PALM2AKAP2: variants seen among roughly 807,000 people sequenced by gnomAD.
PALM2AKAP2 encodes PALM2 and AKAP2 fusion, also known as PALM2-AKAP2 fusion protein.
A neutral mutation model predicts 71.5 loss-of-function variants in PALM2AKAP2; 37 were observed. That is an observed-to-expected ratio of 0.52 (90% CI 0.40 to 0.68). PALM2AKAP2 has a LOEUF of 0.68. PALM2AKAP2 is among the 30% of genes least tolerant of loss of function. The pLI is 0.00. For synonymous variants in PALM2AKAP2, 468 were observed against 478.8 expected (o/e 0.98, Z 0.29); for missense variants, 1,224 against 1,191.8 (o/e 1.03, Z -0.40).
At chr9:109,753,603 C>CT (rs1267661946) in intron 1 of PALM2AKAP2, among the ~76,000 whole-genome samples, 2 of 152,142 alleles carry the variant, frequency 1.3e-5, no homozygotes, top group African/African-American at 4.8e-5. Flanking sequence ...TTTCCAGCAC[C>CT]TTTGCAAGTG....
At chr9:110,078,171 A>G (rs951279558) in intron 1 of PALM2AKAP2, among the ~76,000 whole-genome samples, 4 of 152,356 alleles carry the variant, frequency 2.6e-5, no homozygotes, top group African/African-American at 7.2e-5. Flanking sequence ...AAAACTATTT[A>G]CTAGAACCAG....
chr9:110,037,713 G>A (rs879276331), intron 7 of PALM2AKAP2, among the ~76,000 whole-genome samples: 5 of 152,190 alleles, frequency 3.3e-5, no homozygotes, highest in Non-Finnish European at 5.9e-5. Context: ...GGGATGATTT[G>A]GTTAGGGCTA....
chr9:110,161,132 A>G (rs2119249448), intron 3 of PALM2AKAP2, among the ~76,000 whole-genome samples: 1 of 152,296 alleles, frequency 6.6e-6, no homozygotes, highest in South Asian at 2.1e-4. Flanking sequence ...CCTAGTGAAG[A>G]TGCAAAGGAG....
At chr9:109,815,098 G>A (rs917353120) in intron 1 of PALM2AKAP2, among the ~76,000 whole-genome samples, 5 of 152,178 alleles carry the variant, frequency 3.3e-5, no homozygotes, top group African/African-American at 1.2e-4. Flanking sequence ...GAGTGGCTGT[G>A]GAGATGGTGA....
chr9:109,964,829 T>C (rs1180788477), intron 6 of PALM2AKAP2, among the ~76,000 whole-genome samples: 3 of 152,178 alleles, frequency 2.0e-5, no homozygotes, highest in African/African-American at 7.2e-5. Flanking sequence ...GGTGTTACAG[T>C]TACAGATTTT....
At chr9:109,740,929 G>A (rs1828707011) in intron 1 of PALM2AKAP2, among the ~76,000 whole-genome samples, 1 of 152,110 alleles carries the variant, frequency 6.6e-6, no homozygotes, top group African/African-American at 2.4e-5. Flanking sequence ...TGGGATTACA[G>A]GTGTGAGCCA....
chr9:109,685,257 C>T (rs915428406), intron 1 of PALM2AKAP2, among the ~76,000 whole-genome samples: 42 of 151,878 alleles, frequency 2.8e-4, no homozygotes, highest in African/African-American at 9.4e-4. Flanking sequence ...ATACACATAC[C>T]GTGTATGTCA....
intron 3 of PALM2AKAP2, among the ~76,000 whole-genome samples, chr9:109,916,494 G>A (rs1026752454): frequency 3.9e-5 from 6 of 152,212 alleles, no homozygotes; most frequent in Admixed American, 6.5e-5. Flanking sequence ...GGAGGGCAGC[G>A]CAGGCTGTGA....
intron 1 of PALM2AKAP2, among the ~76,000 whole-genome samples, chr9:109,688,627 G>A (rs981781929): frequency 2.6e-5 from 4 of 152,234 alleles, no homozygotes; most frequent in Admixed American, 6.5e-5. Context: ...CTTGAGTTAC[G>A]ATGAGGCCAT....
chr9:109,832,677 T>G (rs996677845), intron 1 of PALM2AKAP2, among the ~76,000 whole-genome samples: 2 of 152,228 alleles, frequency 1.3e-5, no homozygotes. Flanking sequence ...TGCAAATTTC[T>G]GATCCAGAAA....
upstream of PALM2AKAP2, among the ~76,000 whole-genome samples, chr9:109,775,908 C>A (rs538220167): frequency 6.6e-6 from 1 of 152,332 alleles, no homozygotes; most frequent in African/African-American, 2.4e-5. Context: ...CATTCTGTAT[C>A]CTTTTCGTAT....
intron 2 of PALM2AKAP2, among the ~76,000 whole-genome samples, chr9:109,871,283 G>A (rs776874738): frequency 6.6e-6 from 1 of 152,096 alleles, no homozygotes; most frequent in Admixed American, 6.6e-5. Flanking sequence ...TACAGTAAAA[G>A]ACTAAAGTAT....
chr9:109,705,586 C>T (rs1001582737), intron 1 of PALM2AKAP2, among the ~76,000 whole-genome samples: 12 of 152,176 alleles, frequency 7.9e-5, no homozygotes, highest in African/African-American at 2.9e-4. Flanking sequence ...CTATGTGACC[C>T]ACATTTGAGA....
At chr9:109,967,333 T>C (rs1831970774) in intron 6 of PALM2AKAP2, among the ~76,000 whole-genome samples, 1 of 152,148 alleles carries the variant, frequency 6.6e-6, no homozygotes, top group African/African-American at 2.4e-5. Flanking sequence ...ACAGCATCGC[T>C]TCTGCCACCT....
chr9:110,080,069 CAAAAAAAAAAAA>C (rs147710381), intron 1 of PALM2AKAP2, among the ~76,000 whole-genome samples: 2 of 75,546 alleles, frequency 2.6e-5, no homozygotes, highest in African/African-American at 5.4e-5. Flanking sequence ...GACTCTGTCT[CAAAAAAAAAAAA>C]AAAAAAAAAA....
intron 1 of PALM2AKAP2, among the ~76,000 whole-genome samples, chr9:109,853,169 C>G (rs374334752): frequency 2.4e-4 from 37 of 152,194 alleles, no homozygotes; most frequent in African/African-American, 8.7e-4. Context: ...GAAGCTTCCC[C>G]CCAGGGTTAT....
intron 7 of PALM2AKAP2, among the ~76,000 whole-genome samples, chr9:110,036,078 C>A (rs1056517012): frequency 2.0e-5 from 3 of 151,872 alleles, no homozygotes; most frequent in Non-Finnish European, 4.4e-5. Context: ...AGAGTACAGG[C>A]ACCCACCACC....
intron 1 of PALM2AKAP2, among the ~76,000 whole-genome samples, chr9:109,850,994 G>A (rs1347394578): frequency 5.9e-5 from 9 of 151,960 alleles, no homozygotes; most frequent in Non-Finnish European, 8.8e-5. Flanking sequence ...TGGCTAACAC[G>A]GTGAAACCCC....
chr9:109,688,355 A>G (rs1827832417), intron 1 of PALM2AKAP2, among the ~76,000 whole-genome samples: 1 of 152,244 alleles, frequency 6.6e-6, no homozygotes. Flanking sequence ...GTAAACCCAT[A>G]CTGGTCTGTG....
Sources: allele counts gnomAD v4.1 joint callset (sites outside exome capture counted in the v4.1 genomes callset), GRCh38; gene constraint gnomAD v4.1.1; transcripts MANE v1.5; gene names NCBI Gene and HGNC (gene_info 2026-07-23, HGNC 2026-07-21).